Variants in WDR26 observed in about 807,000 individuals in gnomAD.
The protein encoded by WDR26 is WD repeat-containing protein 26.
A neutral mutation model predicts 84.1 loss-of-function variants in WDR26; 5 were observed. The observed-to-expected ratio is 0.06, with a 90% CI of 0.03 to 0.13. WDR26 has a LOEUF of 0.13. Among genes scored for constraint, WDR26 ranks in the 10% least tolerant of loss-of-function variants. The pLI, the probability that WDR26 is intolerant of heterozygous loss-of-function variation, is 1.00. For synonymous variants in WDR26, 415 were observed against 389.6 expected (o/e 1.07, Z -0.77); for missense variants, 642 against 974.9 (o/e 0.66, Z 4.55).
Position 224,387,830 on chromosome 1 carries a change from C to T in WDR26, c.*2005G>A, listed in dbSNP as rs984121595. ...ACTATACTGAGGTAAAGAGAAGTTG[C>T]CACTTAATTACATACAGTTACCAAT... On this transcript the variant is annotated 3_prime_UTR_variant, in exon 14 of 14. Coordinates refer to ENST00000414423, the MANE Select transcript of WDR26 (RefSeq NM_001379403.1). 1.3e-5 allele frequency: 2 copies of T among 152,424 alleles called. No homozygotes were observed. Among genetic ancestry groups the T allele is most frequent in the Non-Finnish European group, 2.9e-5 (2 of 67,988 alleles). 9.4% of individuals were successfully genotyped at this position (152,424 alleles called of 1,614,324 possible).
At chr1:224,396,911 GAAAAGA>G (rs1558416998) in intron 12 of WDR26, among the ~76,000 whole-genome samples, 1 of 105,906 alleles carries the variant, frequency 9.4e-6, no homozygotes, top group Non-Finnish European at 2.4e-5. Context: ...GAAAAGAAAA[GAAAAGA>G]AAAGGAATAG....
intron 3 of WDR26, among the ~76,000 whole-genome samples, chr1:224,428,224 T>C (rs1429939177): frequency 6.6e-6 from 1 of 152,190 alleles, no homozygotes; most frequent in African/African-American, 2.4e-5. Flanking sequence ...TTTGCTCCCA[T>C]ATTATTAAAC....
intron 4 of WDR26, among the ~76,000 whole-genome samples, chr1:224,423,457 GTT>G (rs1674122912): frequency 6.6e-6 from 1 of 152,192 alleles, no homozygotes; most frequent in African/African-American, 2.4e-5. Context: ...CCAGAATTTT[GTT>G]TTGAGGCTGG....
chr1:224,422,073 G>A (rs986433588), intron 4 of WDR26, among the ~76,000 whole-genome samples: 2 of 152,152 alleles, frequency 1.3e-5, no homozygotes, highest in East Asian at 3.9e-4. Flanking sequence ...AAAACAGAGT[G>A]ATGTCACGAG....
intron 4 of WDR26, 120 bp downstream of exon 4, chr1:224,424,398 T>G (rs1674152611): frequency 7.5e-7 from 1 of 1,335,252 alleles, no homozygotes; most frequent in Non-Finnish European, 1.0e-6. Context: ...CAGGAGTGAG[T>G]TTACCTAGAC....
intron 6 of WDR26, among the ~76,000 whole-genome samples, chr1:224,415,236 T>C (rs1673859514): frequency 6.6e-6 from 1 of 152,122 alleles, no homozygotes; most frequent in African/African-American, 2.4e-5. Context: ...GTAGGGAATT[T>C]AAGAAAAAGC....
intron 1 of WDR26, among the ~76,000 whole-genome samples, chr1:224,432,296 T>C (rs531550227): frequency 1.1e-4 from 17 of 152,310 alleles, no homozygotes; most frequent in African/African-American, 3.4e-4. Context: ...ATACTAAAAA[T>C]AGCAAATTTA....
At chr1:224,415,690 C>T (rs957118790) in intron 6 of WDR26, among the ~76,000 whole-genome samples, 6 of 151,838 alleles carry the variant, frequency 4.0e-5, no homozygotes, top group African/African-American at 7.3e-5. Flanking sequence ...CTTGATCTCC[C>T]GACCTCGTGA....
intron 6 of WDR26, among the ~76,000 whole-genome samples, chr1:224,416,145 C>T (rs909463923): frequency 6.6e-6 from 1 of 152,008 alleles, no homozygotes; most frequent in Non-Finnish European, 1.5e-5. Context: ...TTTAAGATTA[C>T]AGAGAAGACC....
intron 7 of WDR26, among the ~76,000 whole-genome samples, chr1:224,406,158 C>T (rs1673543620): frequency 6.6e-6 from 1 of 152,034 alleles, no homozygotes; most frequent in African/African-American, 2.4e-5. Context: ...CAAGACCGAC[C>T]TGGACAACAT....
intron 9 of WDR26, among the ~76,000 whole-genome samples, chr1:224,400,396 A>G (rs568151223): frequency 6.6e-6 from 1 of 152,092 alleles, no homozygotes; most frequent in Non-Finnish European, 1.5e-5. Flanking sequence ...AGCAAAACAC[A>G]TTTTTTTGTT....
Position 224,387,860 on chromosome 1 carries a change from A to AT in WDR26, c.*1974dup, listed in dbSNP as rs1673024447. On this transcript the variant is annotated 3_prime_UTR_variant, in exon 14 of 14. Transcript: ENST00000414423. Reference sequence around the variant, plus strand: ...TAATTACATACAGTTACCAATGAAGATTTTTATTCAAGCTTAAAGTAAAAA... The same window carrying AT: ...TAATTACATACAGTTACCAATGAAGATTTTTTATTCAAGCTTAAAGTAAAAA... 1.3e-5 allele frequency: 2 copies of AT among 152,746 alleles called. No homozygotes were observed. Among genetic ancestry groups the AT allele is most frequent in the South Asian group, 2.1e-4 (1 of 4,830 alleles). 9.5% of individuals were successfully genotyped at this position (152,746 alleles called of 1,614,324 possible).
At chr1:224,406,423 ACCC>A (rs1673569753) in intron 7 of WDR26, among the ~76,000 whole-genome samples, 1 of 152,122 alleles carries the variant, frequency 6.6e-6, no homozygotes, top group Non-Finnish European at 1.5e-5. Flanking sequence ...CAATGGGATG[ACCC>A]ACCAGCAGTT....
chr1:224,389,867 G>A lies in WDR26; in HGVS notation c.2261-7C>T. 1.2e-6 allele frequency: 1 copy of A among 842,748 alleles called. No individual in the cohort carries two copies. Among genetic ancestry groups the A allele is most frequent in the Non-Finnish European group, 1.6e-6 (1 of 624,708 alleles). The allele number at this position is 842,748 out of a possible 1,614,324, so 52.2% of individuals were successfully genotyped here. ...TCCATGCTACTGCATTCCTCTGAAT[G>A]AAGACAAGATGAAATGTATGGGGGG... On this transcript the variant is annotated splice_region_variant and splice_polypyrimidine_tract_variant and intron_variant, in intron 13 of 13. Coordinates refer to ENST00000414423, the MANE Select transcript of WDR26 (RefSeq NM_001379403.1).
chr1:224,431,274 A>C, intron 3 of WDR26: 1 of 473,398 alleles, frequency 2.1e-6, no homozygotes, highest in Non-Finnish European at 3.8e-6. Context: ...TTAATTTATA[A>C]GGTTCAAATG....
Position 224,404,505 on chromosome 1 carries a change from T to C in WDR26, c.1524A>G (p.Ala508=), listed in dbSNP as rs1452232336. The C allele has an allele frequency of 9.3e-6, 15 of 1,614,000 alleles. No homozygotes were observed. The highest frequency in any genetic ancestry group is 1.3e-5 in the Non-Finnish European group (15 of 1,180,006). Residue 508 remains alanine (A), a synonymous_variant, in exon 8 of 14, where the codon GCA becomes GCG. Coordinates refer to ENST00000414423, the MANE Select transcript of WDR26 (RefSeq NM_001379403.1). The stretch of plus-strand genomic sequence containing the variant: ...CAAGATAGTTGTCATCTGGACTCCA[T>C]GCAATATAAGAAACGCCATAAGCAT...
intron 3 of WDR26, among the ~76,000 whole-genome samples, chr1:224,427,103 C>CTAAAAAAAAAAAAAA (rs769063024): frequency 1.1e-5 from 1 of 91,168 alleles, no homozygotes; most frequent in Non-Finnish European, 2.1e-5. Flanking sequence ...AACTCTGTCT[C>CTAAAAAAAAAAAAAA]CAAAAAAAAA....
At chr1:224,423,189 C>T (rs921586463) in intron 4 of WDR26, among the ~76,000 whole-genome samples, 3 of 152,176 alleles carry the variant, frequency 2.0e-5, no homozygotes, top group Non-Finnish European at 4.4e-5. Flanking sequence ...AAAATCATGA[C>T]ATCTTTGAAC....
intron 3 of WDR26, among the ~76,000 whole-genome samples, chr1:224,425,348 G>GTTTT (rs1279137348): frequency 6.6e-6 from 1 of 152,132 alleles, no homozygotes. Context: ...GAACTTAAAG[G>GTTTT]TTTTTAAAAA....
Sources: allele counts gnomAD v4.1 joint callset (sites outside exome capture counted in the v4.1 genomes callset), GRCh38; gene constraint gnomAD v4.1.1; transcripts MANE v1.5; gene names NCBI Gene and HGNC (gene_info 2026-07-23, HGNC 2026-07-21).